The following EMC1 variants were observed in gnomAD, a reference collection of about 807,000 sequenced individuals.
EMC1 encodes ER membrane protein complex subunit 1, also known as KIAA0090.
A neutral mutation model predicts 128.8 loss-of-function variants in EMC1; 103 were observed. The ratio of observed to expected loss-of-function variants is 0.80; its 90% CI spans 0.68 to 0.94. EMC1 has a LOEUF of 0.94. Ranked by LOEUF, EMC1 falls within the 40% of genes least tolerant of loss-of-function variation. The pLI, the probability that EMC1 is intolerant of heterozygous loss-of-function variation, is 0.00. For synonymous variants in EMC1, 442 were observed against 490.4 expected (o/e 0.90, Z 1.30); for missense variants, 1,083 against 1,250.6 (o/e 0.87, Z 2.02).
At chr1:19,233,914 T>C (rs1441458400) in intron 13 of EMC1, among the ~76,000 whole-genome samples, 2 of 152,134 alleles carry the variant, frequency 1.3e-5, no homozygotes, top group Non-Finnish European at 2.9e-5. Context: ...ACGATGTACA[T>C]AAAGGATTTA....
At chr1:19,235,302 T>C (rs747319502) in intron 12 of EMC1, 50 bp from the exon 13 acceptor site, 3 of 1,579,576 alleles carry the variant, frequency 1.9e-6, no homozygotes, top group Middle Eastern at 3.4e-4. Context: ...GCACAGTGGC[T>C]CATGCCTGTA....
chr1:19,233,693 A>G (rs1372792532), intron 13 of EMC1, among the ~76,000 whole-genome samples: 1 of 152,092 alleles, frequency 6.6e-6, no homozygotes, highest in Admixed American at 6.6e-5. Flanking sequence ...TGCCCTCCAA[A>G]TCTCCTCCAT....
In EMC1 at chr1:19,230,888, C is replaced by A. The variant is rs759027803; in HGVS notation, c.2020G>T (p.Val674Leu). 6.2e-7 allele frequency: 1 copy of A among 1,614,208 alleles called. No individual in the cohort carries two copies. Among genetic ancestry groups the A allele is most frequent in the Non-Finnish European group, 8.5e-7 (1 of 1,180,042 alleles). Residue 674 changes from valine to leucine, a missense_variant, in exon 17 of 23, where the codon GTG (valine) becomes TTG (leucine). This residue lies in a region of EMC1 where 527 missense variants were observed against 644.1 expected (regional missense o/e 0.82). Coordinates refer to ENST00000477853, the MANE Select transcript of EMC1 (RefSeq NM_015047.3). ...ELAPSIFFYL[V>L]DAEQGRLCGY... is the part of the protein sequence containing the mutation. ...CACAGCCGTCCCTGCTCTGCATCCACCAAATAGAAGAAGATGGAAGGGGCA... is the reference window on the plus strand; with the variant it reads ...CACAGCCGTCCCTGCTCTGCATCCAACAAATAGAAGAAGATGGAAGGGGCA...
rs778193486 is a variant in EMC1, at chr1:19,230,959, G to C, written c.1949C>G (p.Thr650Arg). ...LLLIDDEYKV[T>R]AFPATRNVLR... ...GACATTCCGAGTGGCTGGAAAAGCT[G>C]TGACCTTGAAAAACCCAGAGAGCCC... Residue 650 changes from threonine (T) to arginine (R), a missense_variant, in exon 17 of 23, where the codon ACA becomes AGA. Thr to Arg is a moderately conservative substitution (Grantham distance 71). Transcript: ENST00000477853. 1.7e-5 allele frequency: 28 copies of C among 1,613,916 alleles called. 1 individual carries two copies. The highest frequency in any genetic ancestry group is 2.2e-5 in the Non-Finnish European group (26 of 1,180,024).
chr1:19,241,164 C>G (rs776060057), intron 5 of EMC1, 22 bp from the exon 6 acceptor site: 1 of 1,613,048 alleles, frequency 6.2e-7, no homozygotes, highest in East Asian at 2.2e-5. Context: ...AAGAAGAAAC[C>G]GCAGCGTCAG....
At chr1:19,222,275 A>G (rs1007550905) in intron 20 of EMC1, among the ~76,000 whole-genome samples, 1 of 152,006 alleles carries the variant, frequency 6.6e-6, no homozygotes, top group African/African-American at 2.4e-5. Flanking sequence ...CCTGGGCAAC[A>G]TGGCAAATCC....
At chr1:19,227,235 T>C (rs2093481864) in intron 18 of EMC1, 78 bp downstream of exon 18, 6 of 1,539,726 alleles carry the variant, frequency 3.9e-6, no homozygotes, top group Non-Finnish European at 5.4e-6. Flanking sequence ...ATGTACCAAG[T>C]CCTACAGCCA....
At chr1:19,237,007 C>G in intron 12 of EMC1, 135 bp downstream of exon 12, 1 of 526,622 alleles carries the variant, frequency 1.9e-6, no homozygotes, top group Non-Finnish European at 3.5e-6. Context: ...TGACATTTGG[C>G]TATGAACGAA....
At position 19,238,788 on chromosome 1, in the gene EMC1, A is replaced by G. The variant is rs772011728; in HGVS notation, c.1089+7T>C. 2 of 1,602,692 alleles carry G rather than the reference A, an allele frequency of 1.2e-6. No individual in the cohort carries two copies. Among genetic ancestry groups the G allele is most frequent in the South Asian group, 2.2e-5 (2 of 90,852 alleles). ...GGTCTGGCATACTGCCCAGTGCCACACCATACCTTTGAACTAGACTTCTCC... is the reference window on the plus strand; with the variant it reads ...GGTCTGGCATACTGCCCAGTGCCACGCCATACCTTTGAACTAGACTTCTCC... On this transcript the variant is annotated splice_region_variant and intron_variant, in intron 10 of 22. Coordinates refer to ENST00000477853, the MANE Select transcript of EMC1 (RefSeq NM_015047.3).
chr1:19,245,069 A>G, intron 1 of EMC1, 39 bp from the exon 2 acceptor site: 1 of 1,608,720 alleles, frequency 6.2e-7, no homozygotes, highest in South Asian at 1.1e-5. Flanking sequence ...AAGGAGCTAA[A>G]ATCACCATTC....
chr1:19,234,433 C>T (rs2093547738), intron 13 of EMC1, among the ~76,000 whole-genome samples: 2 of 152,176 alleles, frequency 1.3e-5, no homozygotes, highest in Admixed American at 1.3e-4. Flanking sequence ...TTCCACAATA[C>T]CCAGATCAAC....
rs1480280265 is a variant in EMC1, at chr1:19,219,429, CTGCT to C, written c.2852_2855del (p.Lys951SerfsTer5). The C allele has an allele frequency of 1.3e-5, 21 of 1,613,872 alleles. No homozygotes were observed. The highest frequency in any genetic ancestry group is 1.7e-5 in the Non-Finnish European group (20 of 1,180,032). ...CATAGTCATCCTTCAGAACGTCAAA[CTGCT>C]TGGATGGGTAGACTCGAGTTTGGTA... On this transcript the variant is annotated frameshift_variant, in exon 23 of 23. Transcript: ENST00000477853. LOFTEE classifies it high-confidence loss of function.
At chr1:19,238,238 A>C in intron 10 of EMC1, 99 bp from the exon 11 acceptor site, 6 of 1,383,890 alleles carry the variant, frequency 4.3e-6, no homozygotes, top group Non-Finnish European at 6.0e-6. Flanking sequence ...CTAGAGAAGG[A>C]GCCAGGCCAG....
chr1:19,230,212 C>T lies in EMC1; in HGVS notation c.2064+632G>A, dbSNP rs192284695. Among the ~76,000 whole-genome samples, 27 of 152,084 alleles carry T rather than the reference C, an allele frequency of 1.8e-4. No individual in the cohort carries two copies. In the East Asian group the frequency reaches 3.5e-3, roughly 20 times the overall value. ...CTTCATATAAAAGTACAACTTATTA[C>T]TCAACCCACATTCCTACCTTCTACC... On this transcript the variant is annotated intron_variant, in intron 17 of 22. Transcript: ENST00000477853.
intron 6 of EMC1, 89 bp from the exon 7 acceptor site, chr1:19,240,535 A>T: frequency 6.9e-7 from 1 of 1,442,762 alleles, no homozygotes; most frequent in Non-Finnish European, 9.7e-7. Flanking sequence ...CCAGCATCCC[A>T]CTGGGGGTCC....
intron 1 of EMC1, among the ~76,000 whole-genome samples, chr1:19,251,147 T>TG (rs1297967141): frequency 6.6e-6 from 1 of 152,212 alleles, no homozygotes; most frequent in Non-Finnish European, 1.5e-5. Context: ...CAGTGATCTC[T>TG]GACCGGCACC....
rs759088119 is a variant in EMC1, at chr1:19,242,439, A to C, written c.415T>G (p.Ser139Ala). The change falls in exon 5 of 23, where the codon TCT becomes GCT. Residue 139 changes from serine (S) to alanine (A), a missense_variant. By Grantham distance (99) the Ser-to-Ala change is moderately conservative (BLOSUM62 1). This residue lies in a region of EMC1 where 544 missense variants were observed against 572.4 expected (regional missense o/e 0.95). Coordinates refer to ENST00000477853, the MANE Select transcript of EMC1 (RefSeq NM_015047.3). Reference protein sequence around the residue: ...QALGLVGLQESVRYIAVLKKT... With the variant: ...QALGLVGLQEAVRYIAVLKKT... The stretch of plus-strand genomic sequence containing the variant: ...TTCAGGACTGCGATGTACCTTACAG[A>C]CTCCTGCAGGCCAACCAGCCCAAGT... The C allele has an allele frequency of 5.0e-6, 8 of 1,613,820 alleles. No individual in the cohort carries two copies. In the South Asian group the frequency reaches 8.8e-5, roughly 18 times the overall value.
At chr1:19,227,766 G>T (rs1030068783) in intron 17 of EMC1, among the ~76,000 whole-genome samples, 1 of 152,148 alleles carries the variant, frequency 6.6e-6, no homozygotes, top group Non-Finnish European at 1.5e-5. Flanking sequence ...CACTCGGGAG[G>T]CTGAGGCAGA....
chr1:19,242,608 C>T, intron 4 of EMC1, 135 bp from the exon 5 acceptor site: 1 of 916,304 alleles, frequency 1.1e-6, no homozygotes, highest in Non-Finnish European at 1.6e-6. Flanking sequence ...TGGATCCTAA[C>T]CCTGGCTCTG....
Sources: allele counts gnomAD v4.1 joint callset (sites outside exome capture counted in the v4.1 genomes callset), GRCh38; gene constraint gnomAD v4.1.1; regional missense constraint gnomAD v4.1.1; transcripts MANE v1.5; gene names NCBI Gene and HGNC (gene_info 2026-07-23, HGNC 2026-07-21).